NOL4: variants seen among roughly 807,000 people sequenced by gnomAD.
NOL4 encodes the protein cancer/testis antigen 125.
NOL4 carries 17 observed loss-of-function variants against 75.9 expected under a neutral mutation model. The ratio of observed to expected loss-of-function variants is 0.22; its 90% confidence interval spans 0.15 to 0.34. The LOEUF (loss-of-function observed/expected upper bound fraction) is 0.34. Among genes scored for constraint, NOL4 ranks in the 10% least tolerant of loss-of-function variants. The pLI, the probability that NOL4 is intolerant of heterozygous loss-of-function variation, is 1.00. For missense variants in NOL4, 614 were observed against 793.5 expected (o/e 0.77, Z 2.72); for synonymous variants, 292 against 289.9 (o/e 1.01, Z -0.07).
At position 33,852,964 on chromosome 18, in the gene NOL4, G is replaced by A. The variant is rs775197471; in HGVS notation, c.1795C>T (p.Pro599Ser). Residue 599 changes from proline (P) to serine (S), a missense_variant, in exon 11 of 11, where the codon CCC (proline) becomes TCC (serine). Pro to Ser is a moderately conservative substitution (Grantham distance 74, BLOSUM62 -1). Around this residue, in one of 9 missense-constraint regions of NOL4, gnomAD observed 128 missense variants for 159.9 expected, o/e 0.80. Transcript: ENST00000261592. ...SGSSSSSNSR[P>S]QLSPTEINAV... Reference sequence around the variant, plus strand: ...TTGATTTCAGTTGGACTCAGCTGGGGTCTGGAGTTTGAGCTGCTGGAGGAT... The same window carrying A: ...TTGATTTCAGTTGGACTCAGCTGGGATCTGGAGTTTGAGCTGCTGGAGGAT... 2 of 1,613,212 alleles carry A rather than the reference G, an allele frequency of 1.2e-6. No homozygotes were observed. The highest frequency in any genetic ancestry group is 1.7e-6 in the Non-Finnish European group (2 of 1,179,476).
At chr18:33,960,507 C>T (rs2070023291) in intron 6 of NOL4, among the ~76,000 whole-genome samples, 1 of 152,064 alleles carries the variant, frequency 6.6e-6, no homozygotes, top group Non-Finnish European at 1.5e-5. Context: ...GTATCTATCT[C>T]AAAGTCAATC....
At chr18:33,871,296 G>A (rs2063689262) in intron 10 of NOL4, among the ~76,000 whole-genome samples, 1 of 151,960 alleles carries the variant, frequency 6.6e-6, no homozygotes, top group South Asian at 2.1e-4. Context: ...TTTGGTGGAG[G>A]TAGGCAAATG....
At chr18:33,866,546 C>T (rs1211096045) in intron 10 of NOL4, among the ~76,000 whole-genome samples, 1 of 152,118 alleles carries the variant, frequency 6.6e-6, no homozygotes, top group Non-Finnish European at 1.5e-5. Context: ...ATTCTCAGTA[C>T]TCAGCTATGT....
At chr18:33,917,480 T>C (rs911134695) in intron 9 of NOL4, among the ~76,000 whole-genome samples, 4 of 152,050 alleles carry the variant, frequency 2.6e-5, no homozygotes, top group Non-Finnish European at 4.4e-5. Flanking sequence ...TTAAACTCTA[T>C]AGAAGGCTAA....
chr18:34,135,431 G>A (rs997422987), intron 1 of NOL4, among the ~76,000 whole-genome samples: 5 of 152,024 alleles, frequency 3.3e-5, no homozygotes, highest in Non-Finnish European at 7.4e-5. Flanking sequence ...GGGTGCGGTG[G>A]CTCGTGCCTG....
chr18:33,921,901 T>C (rs1380692995), intron 9 of NOL4, among the ~76,000 whole-genome samples: 1 of 152,174 alleles, frequency 6.6e-6, no homozygotes, highest in Admixed American at 6.5e-5. Flanking sequence ...CCTACTCTTG[T>C]TTCATGTGTT....
Position 33,924,546 on chromosome 18 carries a change from T to C in NOL4, c.1542+18519A>G, listed in dbSNP as rs536839341. Among the ~76,000 whole-genome samples, 35 of 152,300 alleles carry C rather than the reference T, an allele frequency of 2.3e-4. No individual in the cohort carries two copies. The South Asian group carries it at 6.8e-3, about 30-fold the overall frequency. On this transcript the variant is annotated intron_variant, in intron 9 of 10. Coordinates refer to ENST00000261592, the MANE Select transcript of NOL4 (RefSeq NM_003787.5). ...CTCCCTAAAAGTAAACTTTTTGTGA[T>C]GCTATGCAAGAAGTTACATATGGAT... is the stretch of plus-strand genomic sequence containing the variant.
At chr18:34,169,023 C>T (rs941010630) in intron 1 of NOL4, among the ~76,000 whole-genome samples, 1 of 151,780 alleles carries the variant, frequency 6.6e-6, no homozygotes, top group African/African-American at 2.4e-5. Flanking sequence ...TTCACTACTA[C>T]CAGATCTGTT....
intron 5 of NOL4, among the ~76,000 whole-genome samples, chr18:34,088,183 T>G (rs1323601344): frequency 6.6e-6 from 1 of 152,010 alleles, no homozygotes; most frequent in African/African-American, 2.4e-5. Context: ...TAGAAAAGTA[T>G]CCTTCTATAA....
intron 9 of NOL4, among the ~76,000 whole-genome samples, chr18:33,927,809 A>T (rs1165500869): frequency 6.6e-6 from 1 of 152,208 alleles, no homozygotes; most frequent in Non-Finnish European, 1.5e-5. Context: ...CAAAGTGCTA[A>T]ATAACTGAGG....
intron 10 of NOL4, among the ~76,000 whole-genome samples, chr18:33,861,523 CTTT>C (rs1159306905): frequency 6.6e-6 from 1 of 152,038 alleles, no homozygotes; most frequent in Non-Finnish European, 1.5e-5. Flanking sequence ...ATTCTTCTCT[CTTT>C]TTTTCTTTAT....
chr18:34,189,048 T>C (rs1286609824), intron 1 of NOL4, among the ~76,000 whole-genome samples: 3 of 152,172 alleles, frequency 2.0e-5, no homozygotes, highest in Non-Finnish European at 4.4e-5. Context: ...GTTTCTGTAA[T>C]AGAATACCTG....
intron 1 of NOL4, among the ~76,000 whole-genome samples, chr18:34,139,255 C>A (rs572585200): frequency 1.3e-5 from 2 of 152,270 alleles, no homozygotes; most frequent in South Asian, 2.1e-4. Context: ...AGGAATGGTA[C>A]CAGCTCCTCC....
intron 8 of NOL4, among the ~76,000 whole-genome samples, chr18:33,948,355 G>A (rs929489916): frequency 2.0e-5 from 3 of 151,926 alleles, no homozygotes; most frequent in South Asian, 2.1e-4. Flanking sequence ...TGGATGGTAC[G>A]CACACACTAT....
chr18:33,886,178 A>C (rs1389672107), intron 9 of NOL4, among the ~76,000 whole-genome samples: 1 of 151,962 alleles, frequency 6.6e-6, no homozygotes, highest in Non-Finnish European at 1.5e-5. Context: ...TAGGAAGGGG[A>C]GTGAGGGGAT....
chr18:34,132,388 T>C (rs771096355), intron 1 of NOL4, among the ~76,000 whole-genome samples: 2 of 152,166 alleles, frequency 1.3e-5, no homozygotes, highest in Admixed American at 6.5e-5. Context: ...AATTGTGCCA[T>C]AGGAGCATAC....
At chr18:34,142,680 G>T (rs1354486779) in intron 1 of NOL4, among the ~76,000 whole-genome samples, 1 of 152,112 alleles carries the variant, frequency 6.6e-6, no homozygotes, top group Non-Finnish European at 1.5e-5. Flanking sequence ...GGGGCCTGTT[G>T]TGGGGTGGGG....
At chr18:33,992,083 G>C (rs531083435) in intron 6 of NOL4, among the ~76,000 whole-genome samples, 1 of 151,266 alleles carries the variant, frequency 6.6e-6, no homozygotes, top group East Asian at 1.9e-4. Flanking sequence ...CATGAGAATG[G>C]TTTTTATACT....
chr18:33,872,286 T>G (rs922936816), intron 10 of NOL4, among the ~76,000 whole-genome samples: 3 of 152,024 alleles, frequency 2.0e-5, no homozygotes, highest in Non-Finnish European at 2.9e-5. Flanking sequence ...TTTTAAGTAA[T>G]CCTAGCCTAT....
Sources: gnomAD v4.1 joint callset for allele counts (sites outside exome capture counted in the v4.1 genomes callset) on GRCh38, gnomAD v4.1.1 for gene constraint, gnomAD v4.1.1 regional missense constraint, MANE v1.5 for transcripts, NCBI Gene and HGNC (gene_info 2026-07-23, HGNC 2026-07-21) for gene names.